PACS1: variants seen among roughly 807,000 people sequenced by gnomAD.
PACS1 encodes the protein phosphofurin acidic cluster sorting protein 1.
PACS1 carries 24 observed loss-of-function variants against 115.0 expected under a neutral mutation model. The ratio of observed to expected loss-of-function variants is 0.21; its 90% CI spans 0.15 to 0.29. The LOEUF (loss-of-function observed/expected upper bound fraction) is 0.29. Ranked by LOEUF, PACS1 falls within the 10% of genes least tolerant of loss-of-function variation. The pLI is 1.00. For missense variants in PACS1, 838 were observed against 1,251.2 expected (o/e 0.67, Z 4.98); for synonymous variants, 453 against 504.5 (o/e 0.90, Z 1.37).
chr11:66,153,322 A>G (rs1344711908), intron 1 of PACS1, among the ~76,000 whole-genome samples: 1 of 152,102 alleles, frequency 6.6e-6, no homozygotes, highest in Non-Finnish European at 1.5e-5. Context: ...GATTTTAAAG[A>G]TTTTATAACA....
chr11:66,231,462 G>A (rs988024729), intron 13 of PACS1, among the ~76,000 whole-genome samples: 4 of 152,330 alleles, frequency 2.6e-5, no homozygotes, highest in African/African-American at 7.2e-5. Flanking sequence ...CTCAGGAATC[G>A]TGTTCTCCTT....
intron 1 of PACS1, among the ~76,000 whole-genome samples, chr11:66,072,094 T>C (rs1857317802): frequency 1.3e-5 from 2 of 152,202 alleles, no homozygotes; most frequent in Admixed American, 1.3e-4. Flanking sequence ...AATGCATCTC[T>C]ATATATTTTA....
At chr11:66,218,967 A>G (rs1218207816) in intron 7 of PACS1, among the ~76,000 whole-genome samples, 3 of 152,088 alleles carry the variant, frequency 2.0e-5, no homozygotes, top group Non-Finnish European at 4.4e-5. Flanking sequence ...TAGAGAGATA[A>G]GGCTAGAAAC....
chr11:66,174,969 G>A (rs187449834), intron 1 of PACS1, among the ~76,000 whole-genome samples: 237 of 152,252 alleles, frequency 1.6e-3, no homozygotes, highest in African/African-American at 5.5e-3. Flanking sequence ...TCACCAACAT[G>A]GTGAAATCCT....
chr11:66,129,141 G>GT (rs979144663), intron 1 of PACS1, among the ~76,000 whole-genome samples: 14 of 152,130 alleles, frequency 9.2e-5, no homozygotes, highest in Non-Finnish European at 1.8e-4. Context: ...ATTAAAGTTA[G>GT]TAAGAAGGGG....
intron 1 of PACS1, among the ~76,000 whole-genome samples, chr11:66,100,044 C>T (rs961840834): frequency 1.3e-5 from 2 of 151,580 alleles, no homozygotes; most frequent in Non-Finnish European, 2.9e-5. Flanking sequence ...GCACACCCAG[C>T]TAATTTTGTA....
chr11:66,128,703 G>C (rs976109976), intron 1 of PACS1, among the ~76,000 whole-genome samples: 32 of 151,984 alleles, frequency 2.1e-4, no homozygotes, highest in African/African-American at 7.5e-4. Context: ...GGCCAACATG[G>C]GGAAACCCTG....
intron 1 of PACS1, among the ~76,000 whole-genome samples, chr11:66,160,844 A>G (rs1859472242): frequency 6.6e-6 from 1 of 151,938 alleles, no homozygotes; most frequent in South Asian, 2.1e-4. Flanking sequence ...TTAAAAACTC[A>G]TCTATCACCT....
At chr11:66,148,465 G>A (rs1249493480) in intron 1 of PACS1, among the ~76,000 whole-genome samples, 2 of 152,128 alleles carry the variant, frequency 1.3e-5, no homozygotes, top group East Asian at 1.9e-4. Context: ...AAATTTAAAT[G>A]TTTAGTCCTT....
chr11:66,114,123 A>G (rs962295997), intron 1 of PACS1, among the ~76,000 whole-genome samples: 7 of 152,186 alleles, frequency 4.6e-5, no homozygotes, highest in African/African-American at 1.7e-4. Flanking sequence ...TTTCACATAA[A>G]AACGTATCTT....
chr11:66,094,318 A>G (rs1203808388), intron 1 of PACS1, among the ~76,000 whole-genome samples: 1 of 150,922 alleles, frequency 6.6e-6, no homozygotes, highest in East Asian at 1.9e-4. Context: ...TAAAGAAAAA[A>G]AGAGAGAAGA....
intron 16 of PACS1, 38 bp from the exon 17 acceptor site, chr11:66,234,094 C>T (rs755738432): frequency 3.9e-6 from 6 of 1,549,508 alleles, no homozygotes; most frequent in Admixed American, 1.7e-5. Context: ...TGTCTCATCT[C>T]CTGACGAATT....
intron 1 of PACS1, among the ~76,000 whole-genome samples, chr11:66,184,019 C>T (rs1860063838): frequency 6.6e-6 from 1 of 152,134 alleles, no homozygotes; most frequent in South Asian, 2.1e-4. Context: ...AGAGTTCTGC[C>T]TCCTACCTCA....
chr11:66,089,734 C>T (rs534160162), intron 1 of PACS1, among the ~76,000 whole-genome samples: 3 of 151,936 alleles, frequency 2.0e-5, no homozygotes, highest in Non-Finnish European at 2.9e-5. Flanking sequence ...TGGCTGGGCG[C>T]GATGGCTCAC....
chr11:66,210,334 CCAAA>C (rs1855042145), intron 2 of PACS1, 24 bp from the exon 3 acceptor site: 1 of 1,589,006 alleles, frequency 6.3e-7, no homozygotes, highest in South Asian at 1.1e-5. Flanking sequence ...CTGCACCTGG[CCAAA>C]CAGACTTTTC....
chr11:66,082,826 G>C (rs965442250), intron 1 of PACS1, among the ~76,000 whole-genome samples: 1 of 152,202 alleles, frequency 6.6e-6, no homozygotes, highest in African/African-American at 2.4e-5. Flanking sequence ...TTGCACTCCA[G>C]CCTGGGCAGC....
intron 1 of PACS1, among the ~76,000 whole-genome samples, chr11:66,095,810 C>T (rs1020864983): frequency 3.3e-5 from 5 of 152,098 alleles, no homozygotes; most frequent in South Asian, 4.1e-4. Context: ...TAGAGAGTCA[C>T]GTAGTTTTAC....
chr11:66,113,716 GTA>G (rs1286209710), intron 1 of PACS1, among the ~76,000 whole-genome samples: 1 of 152,184 alleles, frequency 6.6e-6, no homozygotes, highest in East Asian at 1.9e-4. Flanking sequence ...ACTGAAAGCT[GTA>G]TAGAGATTTG....
chr11:66,231,369 T>G (rs1448431580), intron 13 of PACS1, among the ~76,000 whole-genome samples: 1 of 152,220 alleles, frequency 6.6e-6, no homozygotes, highest in African/African-American at 2.4e-5. Context: ...CATCGTGCTT[T>G]CAAGCCGGGA....
Sources: allele counts gnomAD v4.1 joint callset (sites outside exome capture counted in the v4.1 genomes callset), GRCh38; gene constraint gnomAD v4.1.1; transcripts MANE v1.5; gene names NCBI Gene and HGNC (gene_info 2026-07-23, HGNC 2026-07-21).